The following KIAA0825 variants were observed in gnomAD, a reference collection of about 807,000 sequenced individuals.
KIAA0825 encodes the protein uncharacterized protein KIAA0825.
KIAA0825 carries 119 observed loss-of-function variants against 147.6 expected under a neutral mutation model. The ratio of observed to expected loss-of-function variants is 0.81; its 90% CI spans 0.69 to 0.94. KIAA0825 has a LOEUF of 0.94. KIAA0825 is among the 40% of genes least tolerant of loss of function. KIAA0825 has a pLI of 0.00. For missense variants in KIAA0825, 1,381 were observed against 1,472.7 expected (o/e 0.94, Z 1.02); for synonymous variants, 470 against 518.1 (o/e 0.91, Z 1.26).
intron 5 of KIAA0825, among the ~76,000 whole-genome samples, chr5:94,501,316 C>T (rs1765059685): frequency 6.6e-6 from 1 of 152,178 alleles, no homozygotes; most frequent in Non-Finnish European, 1.5e-5. Context: ...AATAACAAAG[C>T]AATTGGTTTG....
intron 20 of KIAA0825, among the ~76,000 whole-genome samples, chr5:94,224,821 C>G (rs1583903712): frequency 1.3e-5 from 2 of 152,108 alleles, no homozygotes; most frequent in South Asian, 4.1e-4. Context: ...CTGAATCTCC[C>G]TTTTTGTCCT....
chr5:94,308,904 T>C (rs956649213), intron 20 of KIAA0825, among the ~76,000 whole-genome samples: 3 of 151,810 alleles, frequency 2.0e-5, no homozygotes, highest in Admixed American at 6.6e-5. Context: ...AAAGGTAACA[T>C]ACAGCAACCA....
rs191995616 is a variant in KIAA0825, at chr5:94,407,418, A to G, written c.2663-3625T>C. On this transcript the variant is annotated intron_variant, in intron 15 of 20. Transcript: ENST00000682413. ...GCTAATGTTCATACCAGCATCATTC[A>G]TAACAGCCAAAAAGTGGAAACAACA... is the stretch of plus-strand genomic sequence containing the variant. Among the ~76,000 whole-genome samples, 100 of 152,352 alleles carry G rather than the reference A, an allele frequency of 6.6e-4. No individual in the cohort carries two copies. The Middle Eastern group carries it at 0.02, about 31-fold the overall frequency.
At chr5:94,320,850 A>T (rs943166670) in intron 20 of KIAA0825, among the ~76,000 whole-genome samples, 2 of 152,094 alleles carry the variant, frequency 1.3e-5, no homozygotes, top group Admixed American at 1.3e-4. Context: ...TCCTTCTTTC[A>T]GAATATACTT....
chr5:94,317,702 A>G (rs935663728), intron 20 of KIAA0825, among the ~76,000 whole-genome samples: 1 of 151,914 alleles, frequency 6.6e-6, no homozygotes, highest in African/African-American at 2.4e-5. Flanking sequence ...CAGGGATCAT[A>G]ATATCAGCCC....
At chr5:94,559,626 GT>G (rs1390420530) in intron 2 of KIAA0825, among the ~76,000 whole-genome samples, 4 of 152,142 alleles carry the variant, frequency 2.6e-5, no homozygotes, top group African/African-American at 9.7e-5. Context: ...GCTACTCCCA[GT>G]TTTTCACTTG....
intron 20 of KIAA0825, among the ~76,000 whole-genome samples, chr5:94,381,820 G>C (rs553657287): frequency 2.0e-5 from 3 of 152,228 alleles, no homozygotes; most frequent in African/African-American, 7.2e-5. Flanking sequence ...TCATATTTAG[G>C]GGGTGAGGGA....
rs182635768 is a variant in KIAA0825, at chr5:94,297,259, G to A, written c.3710+87109C>T. Among the ~76,000 whole-genome samples the A allele has an allele frequency of 2.1e-3, 321 of 152,238 alleles. 3 individuals are homozygous for A. Among genetic ancestry groups the A allele is most frequent in the African/African-American group, 7.6e-3 (315 of 41,550 alleles). On this transcript the variant is annotated intron_variant, in intron 20 of 20. Coordinates refer to ENST00000682413, the MANE Select transcript of KIAA0825 (RefSeq NM_001145678.3). The stretch of plus-strand genomic sequence containing the variant: ...TTATTATCTCTAAATCCTGTACTAT[G>A]ACATATTCCTGCATCTAAATAGTAG...
At chr5:94,423,391 G>A (rs995011514) in intron 14 of KIAA0825, among the ~76,000 whole-genome samples, 4 of 151,952 alleles carry the variant, frequency 2.6e-5, no homozygotes, top group South Asian at 2.1e-4. Context: ...GGCTCTTTTC[G>A]TTGCATGCAT....
At chr5:94,596,756 C>T (rs1785389681) in intron 1 of KIAA0825, among the ~76,000 whole-genome samples, 1 of 151,960 alleles carries the variant, frequency 6.6e-6, no homozygotes, top group Non-Finnish European at 1.5e-5. Context: ...TTTATTTCAT[C>T]AGTGTTTTGT....
In KIAA0825 at chr5:94,152,598, G is replaced by A. The variant is rs1385466561; in HGVS notation, c.*1409C>T. Among the ~76,000 whole-genome samples, 1 of 151,020 alleles carries A rather than the reference G, an allele frequency of 6.6e-6. No homozygotes were observed. Among genetic ancestry groups the A allele is most frequent in the African/African-American group, 2.4e-5 (1 of 41,050 alleles). On this transcript the variant is annotated 3_prime_UTR_variant, in exon 21 of 21. Transcript: ENST00000682413. Reference sequence around the variant, plus strand: ...CTAGCTAGGTGGGAGAATCACTTGAGACAAGGAGTTCAAGTCCAGCCTGGG... The same window carrying A: ...CTAGCTAGGTGGGAGAATCACTTGAAACAAGGAGTTCAAGTCCAGCCTGGG...
intron 18 of KIAA0825, among the ~76,000 whole-genome samples, chr5:94,389,468 A>T (rs560499647): frequency 1.3e-5 from 2 of 152,142 alleles, no homozygotes. Flanking sequence ...CTTAACTATC[A>T]TGAGACATTT....
chr5:94,322,320 AG>A (rs1472065882), intron 20 of KIAA0825, among the ~76,000 whole-genome samples: 4 of 151,926 alleles, frequency 2.6e-5, no homozygotes, highest in Non-Finnish European at 5.9e-5. Context: ...CCTAAAAATC[AG>A]GGTTTTTTAG....
chr5:94,543,677 C>T (rs899408192), intron 2 of KIAA0825, among the ~76,000 whole-genome samples: 1 of 152,254 alleles, frequency 6.6e-6, no homozygotes, highest in African/African-American at 2.4e-5. Flanking sequence ...CCTCCCTCTG[C>T]AACACTTAGG....
intron 20 of KIAA0825, among the ~76,000 whole-genome samples, chr5:94,247,962 T>G (rs1427037603): frequency 6.6e-6 from 1 of 152,132 alleles, no homozygotes; most frequent in East Asian, 1.9e-4. Flanking sequence ...TCTTAGGAGT[T>G]TTTCATTTTT....
chr5:94,349,859 G>A (rs1783444012), intron 20 of KIAA0825, among the ~76,000 whole-genome samples: 1 of 152,012 alleles, frequency 6.6e-6, no homozygotes. Context: ...ACACTCCAAG[G>A]TCACACCTCA....
At chr5:94,207,496 C>A (rs1442219480) in intron 20 of KIAA0825, among the ~76,000 whole-genome samples, 6 of 152,084 alleles carry the variant, frequency 3.9e-5, no homozygotes, top group Admixed American at 3.3e-4. Flanking sequence ...AATTGAAGAC[C>A]AAGACAGATA....
At chr5:94,432,516 C>T (rs892780590) in intron 14 of KIAA0825, among the ~76,000 whole-genome samples, 3 of 152,028 alleles carry the variant, frequency 2.0e-5, no homozygotes, top group Non-Finnish European at 4.4e-5. Flanking sequence ...AGTTCATCAG[C>T]ATTCTTGGAT....
intron 20 of KIAA0825, among the ~76,000 whole-genome samples, chr5:94,363,207 C>A (rs943522220): frequency 6.7e-6 from 1 of 148,708 alleles, no homozygotes; most frequent in Non-Finnish European, 1.5e-5. Context: ...AGGACTCTGA[C>A]TATTATTAGG....
Sources: allele counts gnomAD v4.1 joint callset (sites outside exome capture counted in the v4.1 genomes callset), GRCh38; gene constraint gnomAD v4.1.1; transcripts MANE v1.5; gene names NCBI Gene and HGNC (gene_info 2026-07-23, HGNC 2026-07-21).